PYGO1: variants seen among roughly 807,000 people sequenced by gnomAD.
The protein encoded by PYGO1 is pygopus homolog 1.
Under a neutral mutation model 29.5 loss-of-function variants are expected in PYGO1, and 6 were observed. The observed-to-expected ratio is 0.20, with a 90% confidence interval of 0.11 to 0.40. The LOEUF is 0.40. Ranked by LOEUF, PYGO1 falls within the 10% of genes least tolerant of loss-of-function variation. The probability of loss-of-function intolerance (pLI) is 1.00; values close to 1 mark genes in which losing one functional copy is unlikely to be tolerated. For missense variants in PYGO1, 515 were observed against 514.9 expected (o/e 1.00, Z 0.00); for synonymous variants, 186 against 180.5 (o/e 1.03, Z -0.24).
chr15:55,551,769 T>C (rs758327539), intron 1 of PYGO1, among the ~76,000 whole-genome samples: 5 of 152,026 alleles, frequency 3.3e-5, no homozygotes, highest in African/African-American at 4.8e-5. Flanking sequence ...AAGATGCCAC[T>C]GCACTCTAGC....
intron 1 of PYGO1, among the ~76,000 whole-genome samples, chr15:55,559,607 T>C (rs2058923475): frequency 6.6e-6 from 1 of 152,126 alleles, no homozygotes; most frequent in Non-Finnish European, 1.5e-5. Context: ...TAGACTGGAT[T>C]AAGAAAATGT....
At chr15:55,557,057 G>C (rs1416755925) in intron 1 of PYGO1, among the ~76,000 whole-genome samples, 1 of 151,906 alleles carries the variant, frequency 6.6e-6, no homozygotes, top group Non-Finnish European at 1.5e-5. Context: ...AATTCTACCA[G>C]AGGTACAACT....
chr15:55,571,626 G>A (rs1432732703), intron 1 of PYGO1, among the ~76,000 whole-genome samples: 1 of 152,124 alleles, frequency 6.6e-6, no homozygotes, highest in South Asian at 2.1e-4. Context: ...GATGTGACTT[G>A]CTCCACCTTG....
chr15:55,587,376 G>C (rs493480), intron 1 of PYGO1, among the ~76,000 whole-genome samples: 111,361 of 150,230 alleles, frequency 0.74, 43,801 homozygotes, highest in Non-Finnish European at 0.86. Flanking sequence ...TTGCCGGGGT[G>C]GGGGGGCGAG....
intron 1 of PYGO1, among the ~76,000 whole-genome samples, chr15:55,587,041 A>G (rs79908179): frequency 0.049 from 7,391 of 152,314 alleles, 389 homozygotes; most frequent in East Asian, 0.27. Flanking sequence ...TGCTTAATGA[A>G]CAGTGAGTAC....
intron 1 of PYGO1, among the ~76,000 whole-genome samples, chr15:55,557,024 A>G (rs2414421): frequency 0.94 from 142,723 of 151,892 alleles, 67,227 homozygotes; most frequent in Non-Finnish European, 0.97. Flanking sequence ...AAAGAAGCCC[A>G]GGACCAGACA....
chr15:55,570,512 C>T (rs2058975856), intron 1 of PYGO1, among the ~76,000 whole-genome samples: 1 of 135,612 alleles, frequency 7.4e-6, no homozygotes, highest in South Asian at 2.6e-4. Context: ...TTTATGGAAG[C>T]TTTTCATATA....
intron 1 of PYGO1, among the ~76,000 whole-genome samples, chr15:55,582,858 T>C (rs1595996181): frequency 6.6e-6 from 1 of 152,290 alleles, no homozygotes; most frequent in East Asian, 1.9e-4. Flanking sequence ...AACCCCCAAT[T>C]TGTGACTGCA....
rs113157171 is a variant in PYGO1 at position 55,554,313 on chromosome 15, A to T, written c.50-5318T>A. ...CCCCATCTCTACTAAAAATATATTTAAAAAAATTATCAGGGTGTGGTGGTG... is the reference window on the plus strand; with the variant it reads ...CCCCATCTCTACTAAAAATATATTTTAAAAAATTATCAGGGTGTGGTGGTG... On this transcript the variant is annotated intron_variant, in intron 1 of 2. Coordinates refer to ENST00000563719, the MANE Select transcript of PYGO1 (RefSeq NM_001367806.1). Among the ~76,000 whole-genome samples the T allele has an allele frequency of 2.8e-3, 419 of 152,018 alleles. 3 individuals carry two copies. Among genetic ancestry groups the T allele is most frequent in the African/African-American group, 6.9e-3 (286 of 41,460 alleles).
chr15:55,582,976 C>A (rs528940964), intron 1 of PYGO1, among the ~76,000 whole-genome samples: 11 of 152,054 alleles, frequency 7.2e-5, no homozygotes, highest in Admixed American at 6.5e-5. Flanking sequence ...TATGACATTT[C>A]TGTACTACTC....
intron 1 of PYGO1, among the ~76,000 whole-genome samples, chr15:55,586,646 C>A (rs958384544): frequency 2.0e-5 from 3 of 152,208 alleles, no homozygotes; most frequent in Non-Finnish European, 4.4e-5. Flanking sequence ...GTTGATTGCA[C>A]ACACTGGGCA....
chr15:55,575,858 A>T (rs186746691), intron 1 of PYGO1, among the ~76,000 whole-genome samples: 50 of 152,244 alleles, frequency 3.3e-4, no homozygotes, highest in Non-Finnish European at 6.5e-4. Context: ...TTTCTCAGAG[A>T]TCTGAGTTTA....
At chr15:55,577,412 T>C (rs2059007638) in intron 1 of PYGO1, among the ~76,000 whole-genome samples, 1 of 152,212 alleles carries the variant, frequency 6.6e-6, no homozygotes, top group Non-Finnish European at 1.5e-5. Context: ...CCCCTGAGGC[T>C]ATGTCATGGG....
chr15:55,550,886 T>C (rs4774781), intron 1 of PYGO1, among the ~76,000 whole-genome samples: 57,511 of 152,086 alleles, frequency 0.38, 14,046 homozygotes, highest in Non-Finnish European at 0.55. Context: ...CCCAACCTTT[T>C]TGACACCAGG....
intron 1 of PYGO1, among the ~76,000 whole-genome samples, chr15:55,557,356 C>T (rs1431092154): frequency 6.6e-6 from 1 of 152,054 alleles, no homozygotes; most frequent in East Asian, 1.9e-4. Context: ...AATTAATAGC[C>T]TACCAACCAA....
intron 1 of PYGO1, among the ~76,000 whole-genome samples, chr15:55,578,549 A>G (rs1428092340): frequency 1.3e-5 from 2 of 152,222 alleles, no homozygotes; most frequent in African/African-American, 4.8e-5. Context: ...CCTCCTAGTG[A>G]ATGAATATAA....
Position 55,546,409 on chromosome 15 carries a change from T to G in PYGO1, c.874A>C (p.Thr292Pro). Residue 292 changes from threonine (T) to proline (P), a missense_variant, in exon 3 of 3, where the codon ACT becomes CCT. Thr to Pro is a conservative substitution (Grantham distance 38). Coordinates refer to ENST00000563719, the MANE Select transcript of PYGO1 (RefSeq NM_001367806.1). ...GCAGGGTTATTGTTTGTGGCTTCAG[T>G]GCTACTTGAACGGCTGTTCTCCTGA... ...VNQENSRSSS[T>P]EATNNNPANG... The G allele has an allele frequency of 1.2e-6, 2 of 1,614,198 alleles. No individual in the cohort carries two copies. The highest frequency in any genetic ancestry group is 1.7e-6 in the Non-Finnish European group (2 of 1,180,018).
At chr15:55,563,071 G>GA (rs377026381) in intron 1 of PYGO1, among the ~76,000 whole-genome samples, 3 of 150,714 alleles carry the variant, frequency 2.0e-5, no homozygotes, top group Admixed American at 6.6e-5. Context: ...AGAAACAAAA[G>GA]AAAAAAAACA....
intron 1 of PYGO1, among the ~76,000 whole-genome samples, chr15:55,575,298 C>T (rs972361809): frequency 5.9e-5 from 9 of 152,054 alleles, no homozygotes; most frequent in African/African-American, 2.2e-4. Context: ...TCTAACAATC[C>T]CCCTCAGGTA....
Sources: allele counts gnomAD v4.1 joint callset (sites outside exome capture counted in the v4.1 genomes callset), GRCh38; gene constraint gnomAD v4.1.1; transcripts MANE v1.5; gene names NCBI Gene and HGNC (gene_info 2026-07-23, HGNC 2026-07-21).